The following ACTR3C variants were observed in gnomAD, a reference collection of about 807,000 sequenced individuals.
ACTR3C encodes actin related protein 3C.
Under a neutral mutation model 26.3 loss-of-function variants are expected in ACTR3C, and 18 were observed. The observed-to-expected ratio is 0.68, with a 90% CI of 0.47 to 1.01. ACTR3C has a LOEUF of 1.01. Among genes scored for constraint, ACTR3C ranks in the 50% least tolerant of loss-of-function variants. The pLI is 0.00. For missense variants in ACTR3C, 184 were observed against 250.7 expected, an observed-to-expected ratio of 0.73 and a Z score of 1.80; for synonymous variants, 55 against 94.5, an observed-to-expected ratio of 0.58 and a Z score of 2.42.
the ACTR3C span, among the ~76,000 whole-genome samples, chr7:150,173,211 C>G: frequency 6.7e-6 from 1 of 149,716 alleles, no homozygotes; most frequent in Non-Finnish European, 1.5e-5. Flanking sequence ...TGCCCTGCTC[C>G]TGCAGCAAAC....
At chr7:149,981,667 A>G in the ACTR3C span, among the ~76,000 whole-genome samples, 1 of 151,438 alleles carries the variant, frequency 6.6e-6, no homozygotes, top group Non-Finnish European at 1.5e-5. Flanking sequence ...TGAGGGCACA[A>G]AGGCATTTGT....
chr7:150,098,318 GAT>G, the ACTR3C span, among the ~76,000 whole-genome samples: 3 of 151,604 alleles, frequency 2.0e-5, no homozygotes, highest in Non-Finnish European at 4.4e-5. Context: ...CTATAAAAGA[GAT>G]ATGTGGGATC....
chr7:149,909,151 C>T, the ACTR3C span, among the ~76,000 whole-genome samples: 8 of 151,508 alleles, frequency 5.3e-5, no homozygotes, highest in African/African-American at 1.2e-4. Context: ...GTGAGTAGAA[C>T]GCCCCATGCC....
chr7:149,901,364 CTGTTTT>C, the ACTR3C span, among the ~76,000 whole-genome samples: 1 of 149,924 alleles, frequency 6.7e-6, no homozygotes, highest in East Asian at 2.0e-4. Flanking sequence ...TGGGGCTGGT[CTGTTTT>C]TGTTTTTATT....
At chr7:149,926,314 G>T in the ACTR3C span, among the ~76,000 whole-genome samples, 1 of 152,228 alleles carries the variant, frequency 6.6e-6, no homozygotes, top group Admixed American at 6.5e-5. Flanking sequence ...CTGTCTCTTA[G>T]AAAGTCCTGC....
chr7:150,027,768 CTCAG>C, the ACTR3C span, among the ~76,000 whole-genome samples: 1 of 152,080 alleles, frequency 6.6e-6, no homozygotes, highest in Non-Finnish European at 1.5e-5. Context: ...CAACCTAGCT[CTCAG>C]TCAGGTTTAA....
the ACTR3C span, among the ~76,000 whole-genome samples, chr7:150,055,125 A>G: frequency 1.3e-5 from 2 of 152,230 alleles, no homozygotes; most frequent in African/African-American, 4.8e-5. Flanking sequence ...CTACTCATAC[A>G]GTGGCTTTCA....
the ACTR3C span, among the ~76,000 whole-genome samples, chr7:150,089,778 A>G: frequency 3.9e-5 from 6 of 152,242 alleles, no homozygotes; most frequent in Admixed American, 2.0e-4. Context: ...CCAAATAAAC[A>G]AAACCAAATA....
At chr7:150,015,980 C>A in the ACTR3C span, among the ~76,000 whole-genome samples, 14,998 of 126,626 alleles carry the variant, frequency 0.12, 854 homozygotes, top group South Asian at 0.19. Flanking sequence ...CCCTGGAGGC[C>A]TCAGAGTCTA....
chr7:150,203,901 T>C, the ACTR3C span, among the ~76,000 whole-genome samples: 569 of 152,124 alleles, frequency 3.7e-3, 2 homozygotes, highest in Non-Finnish European at 6.3e-3. Context: ...GCTGTAAAAA[T>C]GGTTGCCAAG....
At chr7:150,225,254 C>A in the ACTR3C span, among the ~76,000 whole-genome samples, 1 of 152,130 alleles carries the variant, frequency 6.6e-6, no homozygotes, top group Non-Finnish European at 1.5e-5. Flanking sequence ...CTCTAGCTGA[C>A]AGAGAATGGT....
the ACTR3C span, among the ~76,000 whole-genome samples, chr7:150,119,420 A>C: frequency 6.6e-6 from 1 of 152,222 alleles, no homozygotes; most frequent in Non-Finnish European, 1.5e-5. Flanking sequence ...AAAGCAAAAA[A>C]AGCAGGGCTT....
chr7:150,082,947 CTT>C, the ACTR3C span, among the ~76,000 whole-genome samples: 1 of 108,546 alleles, frequency 9.2e-6, no homozygotes, highest in African/African-American at 3.6e-5. Flanking sequence ...TTTTTTTTTT[CTT>C]TTTTTTTTTT....
chr7:150,161,218 A>ATTTTTTTTTTTTTTTT, the ACTR3C span, among the ~76,000 whole-genome samples: 1 of 128,616 alleles, frequency 7.8e-6, no homozygotes, highest in Non-Finnish European at 1.6e-5. Context: ...ATATATATAT[A>ATTTTTTTTTTTTTTTT]TATATATTTA....
chr7:149,922,482 C>CAGCT, the ACTR3C span, among the ~76,000 whole-genome samples: 1 of 148,468 alleles, frequency 6.7e-6, no homozygotes, highest in Non-Finnish European at 1.5e-5. Flanking sequence ...ATTCATCCAT[C>CAGCT]AGCTCCTAGC....
chr7:149,918,218 G>A, the ACTR3C span, among the ~76,000 whole-genome samples: 3 of 151,702 alleles, frequency 2.0e-5, no homozygotes, highest in African/African-American at 7.3e-5. Context: ...AAAGCACACT[G>A]CCCTTTTGTG....
the ACTR3C span, among the ~76,000 whole-genome samples, chr7:150,202,798 T>C: frequency 1.3e-5 from 2 of 152,184 alleles, no homozygotes; most frequent in Non-Finnish European, 2.9e-5. Flanking sequence ...TGCAAGTGGC[T>C]AAAGTTTGGA....
the ACTR3C span, among the ~76,000 whole-genome samples, chr7:149,946,042 G>T: frequency 5.9e-5 from 9 of 152,318 alleles, no homozygotes; most frequent in South Asian, 4.1e-4. Context: ...TGAATCATGG[G>T]GGGGAAAGCA....
the ACTR3C span, among the ~76,000 whole-genome samples, chr7:150,186,311 C>A: frequency 6.6e-6 from 1 of 152,140 alleles, no homozygotes; most frequent in Non-Finnish European, 1.5e-5. Flanking sequence ...TCACGGCAAA[C>A]ACATCCATTT....
Sources: allele counts gnomAD v4.1 joint callset (sites outside exome capture counted in the v4.1 genomes callset), GRCh38; gene constraint gnomAD v4.1.1; transcripts MANE v1.5; gene names NCBI Gene and HGNC (gene_info 2026-07-23, HGNC 2026-07-21).